The following QKI variants were observed in gnomAD, a reference collection of about 807,000 sequenced individuals.
QKI encodes the protein KH domain-containing RNA-binding protein QKI.
QKI carries 10 observed loss-of-function variants against 39.0 expected under a neutral mutation model. The observed-to-expected ratio is 0.26, with a 90% CI of 0.16 to 0.43. The LOEUF (loss-of-function observed/expected upper bound fraction) is 0.43, where lower values mean the gene tolerates loss of function less well. Among genes scored for constraint, QKI ranks in the 20% least tolerant of loss-of-function variants. The pLI is 1.00. For synonymous variants in QKI, 204 were observed against 155.4 expected (o/e 1.31, Z -2.33); for missense variants, 218 against 428.0 (o/e 0.51, Z 4.33).
Position 163,573,457 on chromosome 6 carries a change from T to C in QKI, c.*2747T>C, listed in dbSNP as rs1463764259. On this transcript the variant is annotated 3_prime_UTR_variant, in exon 8 of 8. Transcript: ENST00000361752. ...TGCCTATGAGAAACATGTAAGATAA[T>C]GTATTTACAGCCATTGTTACAAGTT... 6.6e-6 allele frequency: 1 copy of C among 152,208 alleles called. No homozygotes were observed. Among genetic ancestry groups the C allele is most frequent in the African/African-American group, 2.4e-5 (1 of 41,464 alleles). The allele number at this position is 152,208 out of a possible 1,614,324, so 9.4% of individuals were successfully genotyped here. A position where few individuals can be genotyped will look rare whatever the true frequency, so the allele number is the denominator to read the frequency against.
rs55958646 is a variant in QKI at position 163,555,509 on chromosome 6, C to CAAAAA, written c.547-6456_547-6452dup. The stretch of plus-strand genomic sequence containing the variant: ...CTAGCGACAGAGCGAAACTCCAGCT[C>CAAAAA]AAAAAAAAAAAAAAAAAAAAAGCCT... On this transcript the variant is annotated intron_variant, in intron 4 of 7. Transcript: ENST00000361752. 2.4e-4 allele frequency among the ~76,000 whole-genome samples: 19 copies of CAAAAA among 79,344 alleles called. 1 individual carries two copies. Among genetic ancestry groups the CAAAAA allele is most frequent in the African/African-American group, 6.4e-4 (12 of 18,870 alleles). The allele number at this position is 79,344 out of a possible 152,430, so 52.1% of individuals were successfully genotyped here.
chr6:163,468,347 A>C (rs1264261839), intron 2 of QKI, among the ~76,000 whole-genome samples: 1 of 152,112 alleles, frequency 6.6e-6, no homozygotes, highest in Non-Finnish European at 1.5e-5. Flanking sequence ...CTTGTCCCCA[A>C]ATTTTAGGCA....
chr6:163,480,123 A>G (rs574557940), intron 3 of QKI, among the ~76,000 whole-genome samples: 1 of 152,322 alleles, frequency 6.6e-6, no homozygotes, highest in South Asian at 2.1e-4. Flanking sequence ...TGTCTTACCC[A>G]GCAATACTGT....
In QKI at chr6:163,455,313, C is replaced by T. The variant is rs1790839067; in HGVS notation, c.177C>T (p.Asp59=). 1 of 1,613,052 alleles carries T rather than the reference C, an allele frequency of 6.2e-7. No individual in the cohort carries two copies. The highest frequency in any genetic ancestry group is 8.5e-7 in the Non-Finnish European group (1 of 1,179,304). The change falls in exon 2 of 8, where the codon GAC becomes GAT. Residue 59 remains aspartate, a synonymous_variant. Coordinates refer to ENST00000361752, the MANE Select transcript of QKI (RefSeq NM_006775.3). ...ISRVRKDMYN[D]TLNGSTEKRS... ...GAGTACGGAAAGACATGTACAATGACACATTAAATGGCAGTACAGAGAAAA... is the reference window on the plus strand; with the variant it reads ...GAGTACGGAAAGACATGTACAATGATACATTAAATGGCAGTACAGAGAAAA...
chr6:163,576,282 CTG>C lies in QKI; in HGVS notation c.*5576_*5577del, dbSNP rs1216164159. The C allele has an allele frequency of 1.3e-5, 2 of 151,978 alleles. No individual in the cohort carries two copies. The highest frequency in any genetic ancestry group is 2.9e-5 in the Non-Finnish European group (2 of 68,046). 9.4% of individuals were successfully genotyped at this position (151,978 alleles called of 1,614,324 possible). ...TAACCTCAGCACAGTCCTCTCGTTT[CTG>C]TGTTTCTGCTGCACTAATTGCCAGG... On this transcript the variant is annotated 3_prime_UTR_variant, in exon 8 of 8. Transcript: ENST00000361752.
At chr6:163,458,883 CT>C (rs749414743) in intron 2 of QKI, among the ~76,000 whole-genome samples, 2 of 152,116 alleles carry the variant, frequency 1.3e-5, no homozygotes, top group Non-Finnish European at 2.9e-5. Context: ...GAAAAAAACT[CT>C]TTGATATAGT....
Position 163,566,711 on chromosome 6 carries a change from A to C in QKI, c.935-10A>C. ...TTCTAACTTTGTCTTGGTAATTGCA[A>C]TTTAACTAGGTGCGGTGGCTACTAA... On this transcript the variant is annotated splice_polypyrimidine_tract_variant and intron_variant, in intron 6 of 7. Transcript: ENST00000361752. The C allele has an allele frequency of 6.2e-7, 1 of 1,613,348 alleles. No homozygotes were observed.
At chr6:163,526,966 T>TA (rs1361653874) in intron 3 of QKI, among the ~76,000 whole-genome samples, 1 of 152,208 alleles carries the variant, frequency 6.6e-6, no homozygotes, top group Non-Finnish European at 1.5e-5. Context: ...AGATAGATGT[T>TA]ACAGTCCTGT....
intron 3 of QKI, among the ~76,000 whole-genome samples, chr6:163,482,813 TG>T (rs1264134688): frequency 1.4e-5 from 2 of 141,812 alleles, no homozygotes; most frequent in Non-Finnish European, 3.1e-5. Flanking sequence ...TCTGTTTTTT[TG>T]TGGAGGTTTC....
At chr6:163,482,054 G>T (rs140127116) in intron 3 of QKI, among the ~76,000 whole-genome samples, 2 of 151,958 alleles carry the variant, frequency 1.3e-5, no homozygotes, top group Non-Finnish European at 2.9e-5. Flanking sequence ...GTGTGGTGGC[G>T]TGCACCTGTA....
intron 1 of QKI, among the ~76,000 whole-genome samples, chr6:163,420,154 C>CTTTTTTTT (rs35131240): frequency 1.6e-5 from 1 of 60,828 alleles, no homozygotes; most frequent in Middle Eastern, 0.011. Flanking sequence ...CTTTTCTTTT[C>CTTTTTTTT]TTTTTTTTTT....
chr6:163,431,375 TTC>T (rs1254736562), intron 1 of QKI, among the ~76,000 whole-genome samples: 2 of 152,150 alleles, frequency 1.3e-5, no homozygotes, highest in Admixed American at 6.6e-5. Context: ...AAAAATGTAA[TTC>T]TCTAAATAAA....
chr6:163,557,350 A>T (rs1483330693), intron 4 of QKI, among the ~76,000 whole-genome samples: 1 of 152,234 alleles, frequency 6.6e-6, no homozygotes, highest in Non-Finnish European at 1.5e-5. Flanking sequence ...CTATTTAGCC[A>T]TAAAAAAGAA....
In QKI at chr6:163,567,389, G is replaced by A. The variant is rs58159136; in HGVS notation, c.1009+594G>A. On this transcript the variant is annotated intron_variant, in intron 7 of 7. Coordinates refer to ENST00000361752, the MANE Select transcript of QKI (RefSeq NM_006775.3). Reference sequence around the variant, plus strand: ...TGGATTTTTTTATATAAATTAGAGCGTCAATTCCCTTTTATTCTTACATTC... The same window carrying A: ...TGGATTTTTTTATATAAATTAGAGCATCAATTCCCTTTTATTCTTACATTC... 4.6e-3 allele frequency: 4,486 copies of A among 985,334 alleles called. 153 individuals carry two copies. The African/African-American group carries it at 0.073, about 16-fold the overall frequency. 61.0% of individuals were successfully genotyped at this position (985,334 alleles called of 1,614,324 possible).
At chr6:163,520,273 C>T (rs1191374043) in intron 3 of QKI, among the ~76,000 whole-genome samples, 1 of 151,840 alleles carries the variant, frequency 6.6e-6, no homozygotes, top group African/African-American at 2.4e-5. Flanking sequence ...TAGGTGTTTG[C>T]AGTAAAGTAT....
In QKI at chr6:163,572,646, G is replaced by T. The variant is rs924486227; in HGVS notation, c.*1936G>T. On this transcript the variant is annotated 3_prime_UTR_variant, in exon 8 of 8. Coordinates refer to ENST00000361752, the MANE Select transcript of QKI (RefSeq NM_006775.3). ...AATCATTAACTGCTCAGTACCAGAC[G>T]TGGCAAATCTCAAGTGACAGTGGAC... The T allele has an allele frequency of 3.2e-5, 4 of 125,218 alleles. No individual in the cohort carries two copies. The highest frequency in any genetic ancestry group is 1.2e-4 in the African/African-American group (4 of 32,718). 7.8% of individuals were successfully genotyped at this position (125,218 alleles called of 1,614,324 possible).
intron 1 of QKI, among the ~76,000 whole-genome samples, chr6:163,426,129 A>C (rs139940186): frequency 1.3e-5 from 2 of 152,170 alleles, no homozygotes; most frequent in East Asian, 3.9e-4. Context: ...CCATATTCAG[A>C]TTTCTGTAGT....
intron 3 of QKI, among the ~76,000 whole-genome samples, chr6:163,531,367 A>G (rs1330096285): frequency 1.3e-5 from 2 of 152,126 alleles, no homozygotes; most frequent in African/African-American, 4.8e-5. Context: ...TCCTTTCAGA[A>G]TCAGTTTCTG....
intron 3 of QKI, among the ~76,000 whole-genome samples, chr6:163,528,169 A>G (rs2128239442): frequency 6.6e-6 from 1 of 152,266 alleles, no homozygotes; most frequent in South Asian, 2.1e-4. Flanking sequence ...GACAAAACCA[A>G]ATCTACTAAA....
Sources: allele counts gnomAD v4.1 joint callset (sites outside exome capture counted in the v4.1 genomes callset), GRCh38; gene constraint gnomAD v4.1.1; transcripts MANE v1.5; gene names NCBI Gene and HGNC (gene_info 2026-07-23, HGNC 2026-07-21).